XYLT1: variants seen among roughly 807,000 people sequenced by gnomAD.
The protein encoded by XYLT1 is xylosyltransferase 1.
In XYLT1, 36 loss-of-function variants were observed where a neutral mutation model predicts 91.3. The observed-to-expected ratio is 0.39, with a 90% CI of 0.30 to 0.52. The LOEUF (loss-of-function observed/expected upper bound fraction) is 0.52. XYLT1 is among the 20% of genes least tolerant of loss of function. XYLT1 has a pLI of 0.68. For missense variants in XYLT1, 1,242 were observed against 1,284.5 expected, an observed-to-expected ratio of 0.97 and a Z score of 0.51; for synonymous variants, 588 against 532.0, an observed-to-expected ratio of 1.11 and a Z score of -1.45.
chr16:17,389,316 G>T (rs1411414819), intron 1 of XYLT1, among the ~76,000 whole-genome samples: 1 of 152,152 alleles, frequency 6.6e-6, no homozygotes, highest in African/African-American at 2.4e-5. Context: ...CACGATCCTG[G>T]CTCACTTCAG....
At chr16:17,326,140 C>T (rs1175834121) in intron 2 of XYLT1, among the ~76,000 whole-genome samples, 1 of 151,884 alleles carries the variant, frequency 6.6e-6, no homozygotes, top group Admixed American at 6.6e-5. Context: ...CTAAAAGTCT[C>T]GTGTCCCCCT....
intron 3 of XYLT1, among the ~76,000 whole-genome samples, chr16:17,233,032 G>A (rs2033192368): frequency 6.6e-6 from 1 of 151,898 alleles, no homozygotes; most frequent in Admixed American, 6.6e-5. Context: ...TGTCTCCTCT[G>A]CTCTTCAGGG....
intron 1 of XYLT1, among the ~76,000 whole-genome samples, chr16:17,397,461 A>T (rs1034641153): frequency 6.6e-6 from 1 of 152,070 alleles, no homozygotes; most frequent in Non-Finnish European, 1.5e-5. Context: ...AACTCTGACG[A>T]TCTGGCAACC....
At chr16:17,117,411 A>G (rs1304563828) in intron 11 of XYLT1, among the ~76,000 whole-genome samples, 2 of 151,976 alleles carry the variant, frequency 1.3e-5, no homozygotes, top group African/African-American at 4.8e-5. Context: ...TGAATGGGGG[A>G]GCGTCTAACA....
At chr16:17,360,865 G>C (rs1016087790) in intron 1 of XYLT1, among the ~76,000 whole-genome samples, 2 of 152,222 alleles carry the variant, frequency 1.3e-5, no homozygotes, top group African/African-American at 4.8e-5. Flanking sequence ...AATTTGCAAT[G>C]TGCGTGCACG....
intron 1 of XYLT1, among the ~76,000 whole-genome samples, chr16:17,360,546 C>T (rs2035367526): frequency 6.6e-6 from 1 of 152,214 alleles, no homozygotes; most frequent in Non-Finnish European, 1.5e-5. Context: ...ATAAAGTCCT[C>T]ACAAGGGGCC....
intron 2 of XYLT1, among the ~76,000 whole-genome samples, chr16:17,270,150 A>G (rs188479845): frequency 6.6e-6 from 1 of 152,322 alleles, no homozygotes; most frequent in East Asian, 1.9e-4. Context: ...CCTCTGAACA[A>G]ATCCAAGTTG....
intron 11 of XYLT1, among the ~76,000 whole-genome samples, chr16:17,110,831 C>A (rs111267453): frequency 0.011 from 1,672 of 152,218 alleles, 15 homozygotes; most frequent in Non-Finnish European, 0.018. Context: ...TGCTCAAGGC[C>A]ATCACCAAGG....
intron 1 of XYLT1, among the ~76,000 whole-genome samples, chr16:17,419,307 G>A (rs554059635): frequency 5.8e-4 from 88 of 151,322 alleles, no homozygotes; most frequent in African/African-American, 1.8e-3. Context: ...GTACCACTGC[G>A]CTCCAGCCTG....
intron 3 of XYLT1, among the ~76,000 whole-genome samples, chr16:17,252,858 TC>T (rs1172176654): frequency 1.3e-5 from 2 of 152,182 alleles, no homozygotes; most frequent in Non-Finnish European, 2.9e-5. Flanking sequence ...ATATTCAACT[TC>T]CAGCACACTC....
intron 2 of XYLT1, among the ~76,000 whole-genome samples, chr16:17,311,288 A>G (rs1299132444): frequency 6.6e-6 from 1 of 152,178 alleles, no homozygotes; most frequent in Non-Finnish European, 1.5e-5. Flanking sequence ...GATGGGCTGA[A>G]TTAGAACCTG....
intron 1 of XYLT1, among the ~76,000 whole-genome samples, chr16:17,358,303 T>TA (rs1693487850): frequency 6.6e-6 from 1 of 152,168 alleles, no homozygotes; most frequent in East Asian, 1.9e-4. Context: ...CAGGCTTTTT[T>TA]AAAAAATTAT....
chr16:17,413,783 G>C (rs2036143731), intron 1 of XYLT1, among the ~76,000 whole-genome samples: 1 of 152,054 alleles, frequency 6.6e-6, no homozygotes, highest in Non-Finnish European at 1.5e-5. Flanking sequence ...TCCCCTCCCA[G>C]TTCTAGCCCG....
intron 3 of XYLT1, among the ~76,000 whole-genome samples, chr16:17,201,513 T>TG (rs2032541251): frequency 6.6e-6 from 1 of 151,784 alleles, no homozygotes; most frequent in African/African-American, 2.4e-5. Flanking sequence ...CTTACTCTGT[T>TG]GCCCAGGCTG....
intron 3 of XYLT1, among the ~76,000 whole-genome samples, chr16:17,238,334 CA>C (rs2033280316): frequency 6.6e-6 from 1 of 152,136 alleles, no homozygotes; most frequent in Admixed American, 6.5e-5. Context: ...TAGGTTGGTG[CA>C]AAAGTAATTA....
rs899586870 is a variant in XYLT1 at position 17,312,638 on chromosome 16, G to C, written c.402+45374C>G. The stretch of plus-strand genomic sequence containing the variant: ...TAACGGGACTGCAGATTTTGTTTTT[G>C]TTTTCACCCATTTTCAACATACTCA... On this transcript the variant is annotated intron_variant, in intron 2 of 11. Transcript: ENST00000261381. This position sits in a 1 kb window ranked among gnomAD's most constrained non-coding sequence, Gnocchi z 4.4. Among the ~76,000 whole-genome samples, 2 of 152,014 alleles carry C rather than the reference G, an allele frequency of 1.3e-5. No homozygotes were observed. The highest frequency in any genetic ancestry group is 4.8e-5 in the African/African-American group (2 of 41,410).
chr16:17,425,895 C>T (rs2036312196), intron 1 of XYLT1, among the ~76,000 whole-genome samples: 1 of 152,162 alleles, frequency 6.6e-6, no homozygotes, highest in Non-Finnish European at 1.5e-5. Context: ...AAGTTAATGT[C>T]CCGCCACCCT....
intron 1 of XYLT1, among the ~76,000 whole-genome samples, chr16:17,366,309 AG>A (rs1403488976): frequency 2.0e-5 from 3 of 152,356 alleles, no homozygotes; most frequent in South Asian, 2.1e-4. Context: ...AAGGTCACAT[AG>A]CTAGTCAATA....
intron 1 of XYLT1, among the ~76,000 whole-genome samples, chr16:17,358,888 A>G (rs148896167): frequency 1.3e-5 from 2 of 152,278 alleles, no homozygotes; most frequent in East Asian, 3.9e-4. Context: ...GGTCTGGGGA[A>G]GGTCTTTTTT....
Sources: gnomAD v4.1 joint callset for allele counts (sites outside exome capture counted in the v4.1 genomes callset) on GRCh38, gnomAD v4.1.1 for gene constraint, Gnocchi (gnomAD v3.1) non-coding constraint, MANE v1.5 for transcripts, NCBI Gene and HGNC (gene_info 2026-07-23, HGNC 2026-07-21) for gene names.